Variants in LARS1 observed in about 807,000 individuals in gnomAD.
The protein encoded by LARS1 is leucyl-tRNA synthetase 1, also known as leucine--tRNA ligase, cytoplasmic.
In LARS1, 100 loss-of-function variants were observed where a neutral mutation model predicts 162.8. The observed-to-expected ratio is 0.61, with a 90% CI of 0.52 to 0.73. LARS1 has a LOEUF of 0.73. Among genes scored for constraint, LARS1 ranks in the 30% least tolerant of loss-of-function variants. The pLI is 0.00. For missense variants in LARS1, 1,258 were observed against 1,408.9 expected, an observed-to-expected ratio of 0.89 and a Z score of 1.71; for synonymous variants, 457 against 462.8, an observed-to-expected ratio of 0.99 and a Z score of 0.16.
chr5:146,146,256 G>A (rs186576563), intron 15 of LARS1, among the ~76,000 whole-genome samples: 25 of 151,354 alleles, frequency 1.7e-4, no homozygotes, highest in Non-Finnish European at 2.5e-4. Flanking sequence ...CAGGAGAATC[G>A]CTTGAGCCAG....
At chr5:146,136,408 T>C (rs1480752090) in intron 21 of LARS1, among the ~76,000 whole-genome samples, 1 of 152,158 alleles carries the variant, frequency 6.6e-6, no homozygotes, top group African/African-American at 2.4e-5. Flanking sequence ...AGGTTCCTTA[T>C]TGAGCTAACA....
chr5:146,117,243 A>C (rs1751597712), intron 31 of LARS1, among the ~76,000 whole-genome samples: 1 of 152,156 alleles, frequency 6.6e-6, no homozygotes, highest in South Asian at 2.1e-4. Flanking sequence ...CATTTAAAAC[A>C]GAGGTAGATT....
In LARS1 at chr5:146,149,647, GTCT is replaced by G. The variant is rs1406373447; in HGVS notation, c.1475_1477del (p.Lys492del). 2.5e-6 allele frequency: 4 copies of G among 1,612,734 alleles called. No homozygotes were observed. Among genetic ancestry groups the G allele is most frequent in the African/African-American group, 1.3e-5 (1 of 74,836 alleles). ...AGCGTCAATCATCTTTTTCTGAATA[GTCT>G]TCTTTACATCTTGAACCTTCTGTCC... On this transcript the variant is annotated inframe_deletion, in exon 15 of 32. Transcript: ENST00000394434.
chr5:146,155,977 T>G (rs1317955762), intron 10 of LARS1, among the ~76,000 whole-genome samples: 4 of 152,188 alleles, frequency 2.6e-5, no homozygotes, highest in African/African-American at 9.6e-5. Context: ...TGAAATACTA[T>G]GTAGCTATAA....
chr5:146,166,896 G>A (rs1228634424), intron 5 of LARS1, among the ~76,000 whole-genome samples: 1 of 151,830 alleles, frequency 6.6e-6, no homozygotes, highest in Non-Finnish European at 1.5e-5. Flanking sequence ...CCTGGCAGAC[G>A]CCATCTTAAC....
chr5:146,125,665 C>G (rs1752011921), intron 28 of LARS1, among the ~76,000 whole-genome samples: 1 of 151,810 alleles, frequency 6.6e-6, no homozygotes, highest in Non-Finnish European at 1.5e-5. Flanking sequence ...GGTCTCAAAA[C>G]TAAGGAGTGA....
chr5:146,129,118 G>A lies in LARS1; in HGVS notation c.2629C>T (p.Pro877Ser). ...CEHIWTLLGKPDSIMNASWPV... is the reference protein window; with the variant it reads ...CEHIWTLLGKSDSIMNASWPV... ...CATGAAGCATTCATAATTGAGTCAG[G>A]CTTTTAAAAAAAGAAAAACAAAAAA... Residue 877 changes from proline to serine, a missense_variant and splice_region_variant, in exon 26 of 32, where the codon CCT becomes TCT. Coordinates refer to ENST00000394434, the MANE Select transcript of LARS1 (RefSeq NM_020117.11). 1.3e-6 allele frequency: 2 copies of A among 1,566,940 alleles called. No individual in the cohort carries two copies. Among genetic ancestry groups the A allele is most frequent in the East Asian group, 2.3e-5 (1 of 44,428 alleles).
intron 13 of LARS1, 146 bp from the exon 14 acceptor site, chr5:146,152,148 G>T: frequency 1.2e-6 from 1 of 866,080 alleles, no homozygotes; most frequent in Non-Finnish European, 1.8e-6. Context: ...AGTAATCACA[G>T]AGTGACTAAC....
Position 146,144,334 on chromosome 5 carries a change from G to C in LARS1, c.1671C>G (p.Thr557=). Residue 557 remains threonine (T), a synonymous_variant, in exon 18 of 32, where the codon ACC becomes ACG. Coordinates refer to ENST00000394434, the MANE Select transcript of LARS1 (RefSeq NM_020117.11). ...CTAAGGTGGCTTCAAAATTCCTCCT[G>C]GTCTCCTCACAGAATCTAGAAAAGA... is the stretch of plus-strand genomic sequence containing the variant. The part of the protein sequence containing the change: ...LKNLETFCEE[T]RRNFEATLGW... The C allele has an allele frequency of 6.2e-7, 1 of 1,613,132 alleles. No homozygotes were observed. Among genetic ancestry groups the C allele is most frequent in the South Asian group, 1.1e-5 (1 of 90,864 alleles).
rs149719148 is a variant in LARS1, at chr5:146,149,659, T to G, written c.1466A>C (p.Asp489Ala). 1.2e-6 allele frequency: 2 copies of G among 1,613,116 alleles called. No individual in the cohort carries two copies. The highest frequency in any genetic ancestry group is 1.7e-6 in the Non-Finnish European group (2 of 1,179,318). Residue 489 changes from aspartate (D) to alanine (A), a missense_variant, in exon 15 of 32, where the codon GAT (aspartate) becomes GCT (alanine). Coordinates refer to ENST00000394434, the MANE Select transcript of LARS1 (RefSeq NM_020117.11). ...VDGFKGQKVQ[D>A]VKKTIQKKMI... ...CTTTTTCTGAATAGTCTTCTTTACA[T>G]CTTGAACCTTCTGTCCTTTAAATCC... is the stretch of plus-strand genomic sequence containing the variant.
chr5:146,168,452 C>T (rs1714812705), intron 4 of LARS1, among the ~76,000 whole-genome samples, 187 bp from the exon 5 acceptor site: 1 of 152,148 alleles, frequency 6.6e-6, no homozygotes, highest in African/African-American at 2.4e-5. Context: ...AATCCCAGCA[C>T]CTTGGGAGGC....
At chr5:146,153,410 T>C (rs1753381119) in intron 12 of LARS1, among the ~76,000 whole-genome samples, 183 bp from the exon 13 acceptor site, 1 of 152,212 alleles carries the variant, frequency 6.6e-6, no homozygotes, top group African/African-American at 2.4e-5. Context: ...TTCAAAAATT[T>C]AATAGCTAAA....
chr5:146,176,817 T>C (rs1474179911), intron 2 of LARS1, among the ~76,000 whole-genome samples: 1 of 152,178 alleles, frequency 6.6e-6, no homozygotes, highest in Admixed American at 6.6e-5. Flanking sequence ...TATACTTCTA[T>C]AAGCATTAGG....
chr5:146,123,253 C>T (rs1221828445), intron 29 of LARS1, among the ~76,000 whole-genome samples: 2 of 151,712 alleles, frequency 1.3e-5, no homozygotes, highest in African/African-American at 4.8e-5. Flanking sequence ...TTACTAGGAC[C>T]ACTTTTTGAG....
chr5:146,137,413 G>A (rs754888340), intron 21 of LARS1, among the ~76,000 whole-genome samples: 4 of 151,574 alleles, frequency 2.6e-5, no homozygotes, highest in African/African-American at 4.9e-5. Context: ...GCAAGTGAGG[G>A]GTCTGTCAAG....
intron 21 of LARS1, 35 bp downstream of exon 21, chr5:146,140,169 A>G: frequency 6.5e-7 from 1 of 1,539,738 alleles, no homozygotes. Flanking sequence ...AGCCTTCCAC[A>G]GAATTTTAAA....
chr5:146,139,438 GTCTC>G (rs781496639), intron 21 of LARS1, among the ~76,000 whole-genome samples: 1 of 151,606 alleles, frequency 6.6e-6, no homozygotes, highest in African/African-American at 2.4e-5. Context: ...CCCTGTCTCT[GTCTC>G]TCTTTTTCTC....
chr5:146,126,929 C>T (rs1752075976), intron 27 of LARS1, among the ~76,000 whole-genome samples: 1 of 152,016 alleles, frequency 6.6e-6, no homozygotes, highest in Non-Finnish European at 1.5e-5. Flanking sequence ...CTTTTGGACA[C>T]TTGGAAGAAA....
intron 14 of LARS1, among the ~76,000 whole-genome samples, chr5:146,150,436 G>A (rs1417342722): frequency 6.6e-6 from 1 of 152,038 alleles, no homozygotes; most frequent in Non-Finnish European, 1.5e-5. Context: ...GCATTATAAA[G>A]TTATATTTAA....
Sources: gnomAD v4.1 joint callset for allele counts (sites outside exome capture counted in the v4.1 genomes callset) on GRCh38, gnomAD v4.1.1 for gene constraint, MANE v1.5 for transcripts, NCBI Gene and HGNC (gene_info 2026-07-23, HGNC 2026-07-21) for gene names.